Variants in ANKRD11 observed in about 807,000 individuals in gnomAD.
ANKRD11 encodes the protein ankyrin repeat domain-containing protein 11.
A neutral mutation model predicts 195.7 loss-of-function variants in ANKRD11; 17 were observed. The ratio of observed to expected loss-of-function variants is 0.09; its 90% CI spans 0.06 to 0.13. The LOEUF (loss-of-function observed/expected upper bound fraction) is 0.13, where lower values mean the gene tolerates loss of function less well. ANKRD11 is among the 10% of genes least tolerant of loss of function. The probability of loss-of-function intolerance (pLI) is 1.00; values close to 1 mark genes in which losing one functional copy is unlikely to be tolerated. For missense variants in ANKRD11, 3,735 were observed against 3,566.1 expected (o/e 1.05, Z -1.21); for synonymous variants, 1,953 against 1,528.1 (o/e 1.28, Z -6.49).
In ANKRD11 at chr16:89,368,281, C is replaced by T. The variant is rs145217097; in HGVS notation, c.-60+50003G>A. ...CACAATCTCGGCTCACTGCAACCTCCGCCTCCCAGGTTACAAGCGATTCTC... is the reference window on the plus strand; with the variant it reads ...CACAATCTCGGCTCACTGCAACCTCTGCCTCCCAGGTTACAAGCGATTCTC... On this transcript the variant is annotated intron_variant, in intron 2 of 12. Coordinates refer to ENST00000301030, the MANE Select transcript of ANKRD11 (RefSeq NM_013275.6). Among the ~76,000 whole-genome samples the T allele has an allele frequency of 9.5e-3, 1,448 of 151,780 alleles. 28 individuals are homozygous for T. Among genetic ancestry groups the T allele is most frequent in the African/African-American group, 0.033 (1,382 of 41,360 alleles).
intron 4 of ANKRD11, among the ~76,000 whole-genome samples, chr16:89,294,066 A>T (rs1230485479): frequency 6.6e-6 from 1 of 152,064 alleles, no homozygotes; most frequent in East Asian, 1.9e-4. Flanking sequence ...GCCCCCAGAG[A>T]CTTCCTGGGT....
intron 1 of ANKRD11, among the ~76,000 whole-genome samples, chr16:89,464,784 ACT>A (rs1353090947): frequency 6.6e-6 from 1 of 152,104 alleles, no homozygotes; most frequent in Non-Finnish European, 1.5e-5. Flanking sequence ...CAGAGACCAA[ACT>A]CTACAGAAGG....
At chr16:89,299,198 G>T in intron 4 of ANKRD11, 1 of 159,800 alleles carries the variant, frequency 6.3e-6, no homozygotes, top group South Asian at 1.5e-4. Context: ...AGTCTGCAGA[G>T]GTTTCTAGGG....
intron 1 of ANKRD11, among the ~76,000 whole-genome samples, chr16:89,446,323 G>C (rs1359023454): frequency 6.6e-6 from 1 of 152,020 alleles, no homozygotes; most frequent in African/African-American, 2.4e-5. Flanking sequence ...CACTGAGGTG[G>C]ACGGGCGCAG....
intron 1 of ANKRD11, among the ~76,000 whole-genome samples, chr16:89,446,892 C>G (rs1330449971): frequency 6.6e-6 from 1 of 152,142 alleles, no homozygotes; most frequent in Non-Finnish European, 1.5e-5. Flanking sequence ...GCTTGTCACC[C>G]TGCCACACAC....
chr16:89,367,036 C>T (rs2039977231), intron 2 of ANKRD11, among the ~76,000 whole-genome samples: 1 of 152,216 alleles, frequency 6.6e-6, no homozygotes, highest in African/African-American at 2.4e-5. Flanking sequence ...GCTGGATGCC[C>T]AGCCACGGCT....
At chr16:89,487,635 G>A (rs949781444) in intron 1 of ANKRD11, among the ~76,000 whole-genome samples, 4 of 152,040 alleles carry the variant, frequency 2.6e-5, no homozygotes, top group Admixed American at 6.5e-5. Flanking sequence ...TTAGCCAGGC[G>A]TGGCGGTGGG....
intron 2 of ANKRD11, among the ~76,000 whole-genome samples, chr16:89,349,103 G>C (rs1394474917): frequency 3.0e-5 from 3 of 101,228 alleles, no homozygotes; most frequent in Admixed American, 1.3e-4. Context: ...ACTCTAGCCT[G>C]GGGGACAGAG....
At chr16:89,369,849 C>A (rs1415482795) in intron 2 of ANKRD11, among the ~76,000 whole-genome samples, 1 of 152,204 alleles carries the variant, frequency 6.6e-6, no homozygotes, top group African/African-American at 2.4e-5. Flanking sequence ...GGAAGCTTGG[C>A]AATGTGTACA....
chr16:89,294,172 G>A (rs2035261042), intron 4 of ANKRD11, among the ~76,000 whole-genome samples: 1 of 152,202 alleles, frequency 6.6e-6, no homozygotes, highest in South Asian at 2.1e-4. Context: ...GGTGAAGAAA[G>A]CCTGAGTTGG....
At chr16:89,402,663 T>G (rs1597295145) in intron 2 of ANKRD11, among the ~76,000 whole-genome samples, 1 of 64,486 alleles carries the variant, frequency 1.6e-5, no homozygotes, top group African/African-American at 6.3e-5. Context: ...CAGGGTGAGG[T>G]GAAGGGGGTG....
intron 2 of ANKRD11, among the ~76,000 whole-genome samples, chr16:89,334,830 C>T (rs2038263246): frequency 6.6e-6 from 1 of 152,156 alleles, no homozygotes; most frequent in Non-Finnish European, 1.5e-5. Flanking sequence ...GCCCACAACA[C>T]ACGGGGCGCA....
chr16:89,447,842 T>A (rs1002441460), intron 1 of ANKRD11, among the ~76,000 whole-genome samples: 3 of 150,524 alleles, frequency 2.0e-5, no homozygotes, highest in African/African-American at 7.4e-5. Flanking sequence ...TCTCACTCTG[T>A]CACCCAAGCT....
chr16:89,461,361 G>A (rs1567837608), intron 1 of ANKRD11, among the ~76,000 whole-genome samples: 1 of 152,022 alleles, frequency 6.6e-6, no homozygotes, highest in Non-Finnish European at 1.5e-5. Context: ...GGTGGTGATG[G>A]CTTTGCACCG....
At chr16:89,460,896 A>ACC (rs754159420) in intron 1 of ANKRD11, among the ~76,000 whole-genome samples, 17 of 144,556 alleles carry the variant, frequency 1.2e-4, no homozygotes, top group Non-Finnish European at 2.0e-4. Context: ...ATATTGTATG[A>ACC]CCCCCCACCC....
At chr16:89,300,573 G>C in intron 4 of ANKRD11, 1 of 378,274 alleles carries the variant, frequency 2.6e-6, no homozygotes, top group Non-Finnish European at 4.8e-6. Flanking sequence ...TCTAGCACTG[G>C]GCAAGGTCTG....
chr16:89,288,185 G>A (rs2034785271), intron 7 of ANKRD11: 1 of 608,650 alleles, frequency 1.6e-6, no homozygotes, highest in South Asian at 1.9e-5. Flanking sequence ...AGGTCTAACA[G>A]TCCCACAGTG....
chr16:89,372,830 C>CT (rs1242943291), intron 2 of ANKRD11: 2 of 152,330 alleles, frequency 1.3e-5, no homozygotes, highest in African/African-American at 2.4e-5. Context: ...CAGGGACTCA[C>CT]TGAAAGTTAC....
intron 2 of ANKRD11, among the ~76,000 whole-genome samples, chr16:89,409,478 A>G (rs2042034874): frequency 6.6e-6 from 1 of 152,190 alleles, no homozygotes; most frequent in Non-Finnish European, 1.5e-5. Context: ...GCATAAAAAC[A>G]TACAGGTGTG....
Sources: gnomAD v4.1 joint callset for allele counts (sites outside exome capture counted in the v4.1 genomes callset) on GRCh38, gnomAD v4.1.1 for gene constraint, MANE v1.5 for transcripts, NCBI Gene and HGNC (gene_info 2026-07-23, HGNC 2026-07-21) for gene names.